DNAH6: variants seen among roughly 807,000 people sequenced by gnomAD.
The protein encoded by DNAH6 is axonemal beta dynein heavy chain 6.
A neutral mutation model predicts 491.4 loss-of-function variants in DNAH6; 340 were observed. The observed-to-expected ratio is 0.69, with a 90% CI of 0.63 to 0.76. DNAH6 has a LOEUF of 0.76. DNAH6 is among the 30% of genes least tolerant of loss of function. The probability of loss-of-function intolerance (pLI) is 0.00; values close to 1 mark genes in which losing one functional copy is unlikely to be tolerated. For synonymous variants in DNAH6, 1,603 were observed against 1,686.1 expected (o/e 0.95, Z 1.21); for missense variants, 4,443 against 4,972.2 (o/e 0.89, Z 3.20).
chr2:84,573,635 G>T, intron 12 of DNAH6, 48 bp downstream of exon 12: 1 of 1,469,616 alleles, frequency 6.8e-7, no homozygotes, highest in South Asian at 1.5e-5. Flanking sequence ...GGGATACTGA[G>T]ATTTGTTGTT....
chr2:84,794,391 A>C (rs1678102703), intron 68 of DNAH6, among the ~76,000 whole-genome samples: 1 of 151,582 alleles, frequency 6.6e-6, no homozygotes, highest in African/African-American at 2.4e-5. Context: ...TGAACAGGCA[A>C]CCCACAAAAT....
chr2:84,710,531 G>T, intron 56 of DNAH6, 119 bp downstream of exon 56: 1 of 977,044 alleles, frequency 1.0e-6, no homozygotes, highest in Non-Finnish European at 1.5e-6. Flanking sequence ...TTTCAAATTG[G>T]TCAAACCAGT....
At chr2:84,733,829 G>T (rs911139158) in intron 62 of DNAH6, among the ~76,000 whole-genome samples, 20 of 151,434 alleles carry the variant, frequency 1.3e-4, no homozygotes, top group Admixed American at 1.3e-3. Context: ...ATATATTTGA[G>T]AATGTAAATA....
At chr2:84,780,116 G>A (rs1043071537) in intron 64 of DNAH6, among the ~76,000 whole-genome samples, 6 of 151,908 alleles carry the variant, frequency 3.9e-5, no homozygotes, top group African/African-American at 1.5e-4. Context: ...ATGTGTCTTG[G>A]GGATGGTCAT....
intron 61 of DNAH6, among the ~76,000 whole-genome samples, chr2:84,728,110 C>G (rs1456695838): frequency 6.6e-6 from 1 of 152,174 alleles, no homozygotes; most frequent in Non-Finnish European, 1.5e-5. Context: ...AGGGGAAACC[C>G]TTTTCACTTC....
At chr2:84,710,634 G>T (rs1337345369) in intron 56 of DNAH6, among the ~76,000 whole-genome samples, 2 of 152,188 alleles carry the variant, frequency 1.3e-5, no homozygotes, top group Non-Finnish European at 2.9e-5. Flanking sequence ...TGTTAAGAGG[G>T]CTGGCCTCTG....
intron 41 of DNAH6, among the ~76,000 whole-genome samples, chr2:84,677,654 C>G (rs1334418078): frequency 2.0e-5 from 3 of 152,188 alleles, no homozygotes; most frequent in Non-Finnish European, 4.4e-5. Context: ...AGGCTACTTC[C>G]CCATCCTTTA....
At chr2:84,507,432 G>C in the DNAH6 span, among the ~76,000 whole-genome samples, 1 of 152,214 alleles carries the variant, frequency 6.6e-6, no homozygotes, top group African/African-American at 2.4e-5. Context: ...CTGAGACTTT[G>C]CTGAAGTTGC....
Position 84,529,122 on chromosome 2 carries a change from T to C in DNAH6, c.618T>C (p.Pro206=), listed in dbSNP as rs747846955. 42 of 1,550,202 alleles carry C rather than the reference T, an allele frequency of 2.7e-5. No individual in the cohort carries two copies. Among genetic ancestry groups the C allele is most frequent in the Non-Finnish European group, 3.7e-5 (42 of 1,145,834 alleles). The part of the protein sequence containing the change: ...NEHLGFLYMI[P]AVPRSSIEYD... Reference sequence around the variant, plus strand: ...ATCTTGGATTTCTTTATATGATCCCTGCAGTGCCAAGATCATCCATTGAAT... The same window carrying C: ...ATCTTGGATTTCTTTATATGATCCCCGCAGTGCCAAGATCATCCATTGAAT... Residue 206 remains proline (P), a synonymous_variant, in exon 4 of 77, where the codon CCT becomes CCC. Coordinates refer to ENST00000389394, the MANE Select transcript of DNAH6 (RefSeq NM_001370.2).
chr2:84,668,173 G>A (rs1692356002), intron 37 of DNAH6, among the ~76,000 whole-genome samples: 1 of 152,082 alleles, frequency 6.6e-6, no homozygotes, highest in Non-Finnish European at 1.5e-5. Context: ...GCACCAACAT[G>A]GCACATGTAT....
Position 84,642,036 on chromosome 2 carries a change from A to G in DNAH6, c.5060A>G (p.Asp1687Gly). The change falls in exon 33 of 77, where the codon GAT becomes GGT. Residue 1687 changes from aspartate to glycine, a missense_variant. Transcript: ENST00000389394. ...QDSNLPKFLT[D>G]DALLFSGIIS... ...TCCAATTTGCCAAAATTTCTAACAG[A>G]TGATGCTCTTCTGTTCAGGTAAGTT... The G allele has an allele frequency of 6.4e-7, 1 of 1,550,684 alleles. No homozygotes were observed. The highest frequency in any genetic ancestry group is 8.7e-7 in the Non-Finnish European group (1 of 1,146,300).
intron 2 of DNAH6, among the ~76,000 whole-genome samples, chr2:84,524,277 T>A (rs1349247829): frequency 2.6e-5 from 4 of 152,010 alleles, no homozygotes; most frequent in African/African-American, 9.7e-5. Context: ...CAACCCCTGC[T>A]TTTTTCTGTT....
chr2:84,610,454 T>C (rs1389599127), intron 21 of DNAH6, among the ~76,000 whole-genome samples: 1 of 152,108 alleles, frequency 6.6e-6, no homozygotes, highest in African/African-American at 2.4e-5. Context: ...ACCTTATGAG[T>C]CTTGCTACAA....
At chr2:84,666,639 G>T (rs1692155331) in intron 37 of DNAH6, among the ~76,000 whole-genome samples, 1 of 152,168 alleles carries the variant, frequency 6.6e-6, no homozygotes, top group Admixed American at 6.5e-5. Context: ...CTCATGGATA[G>T]GAATAATCAA....
intron 49 of DNAH6, among the ~76,000 whole-genome samples, 165 bp downstream of exon 49, chr2:84,701,504 A>G (rs911852407): frequency 6.6e-6 from 1 of 152,158 alleles, no homozygotes; most frequent in Non-Finnish European, 1.5e-5. Flanking sequence ...AAGAAAAGAG[A>G]TGTAATTGGC....
chr2:84,638,895 GAGAA>G (rs1294696023), intron 31 of DNAH6, among the ~76,000 whole-genome samples: 4 of 152,114 alleles, frequency 2.6e-5, no homozygotes, highest in South Asian at 4.1e-4. Flanking sequence ...AGAAACAAGA[GAGAA>G]AGAGTGGGTG....
chr2:84,509,177 C>T, the DNAH6 span, among the ~76,000 whole-genome samples: 1 of 152,134 alleles, frequency 6.6e-6, no homozygotes, highest in South Asian at 2.1e-4. Context: ...GTGCTAAAGT[C>T]TCCCTTTATT....
At chr2:84,650,277 C>G (rs181930791) in intron 33 of DNAH6, among the ~76,000 whole-genome samples, 2 of 152,234 alleles carry the variant, frequency 1.3e-5, no homozygotes, top group Non-Finnish European at 2.9e-5. Context: ...TCCAGTGACA[C>G]AAATATTAGA....
chr2:84,558,028 C>A, intron 11 of DNAH6, 93 bp downstream of exon 11: 1 of 854,372 alleles, frequency 1.2e-6, no homozygotes, highest in Non-Finnish European at 1.7e-6. Flanking sequence ...TTTAAATGTT[C>A]TACATGTGAA....
Sources: allele counts gnomAD v4.1 joint callset (sites outside exome capture counted in the v4.1 genomes callset), GRCh38; gene constraint gnomAD v4.1.1; transcripts MANE v1.5; gene names NCBI Gene and HGNC (gene_info 2026-07-23, HGNC 2026-07-21).